Variants in NRM observed in about 807,000 individuals in gnomAD.
The protein encoded by NRM is nuclear rim protein.
A neutral mutation model predicts 23.4 loss-of-function variants in NRM; 19 were observed. That is an observed-to-expected ratio of 0.81 (90% CI 0.57 to 1.19). The LOEUF is 1.19. NRM is among the 50% of genes most tolerant of loss of function. The probability of loss-of-function intolerance (pLI) is 0.00; values close to 1 mark genes in which losing one functional copy is unlikely to be tolerated. For missense variants in NRM, 232 were observed against 329.7 expected (o/e 0.70, Z 2.30); for synonymous variants, 140 against 143.5 (o/e 0.98, Z 0.17).
At position 30,690,725 on chromosome 6, in the gene NRM, G is replaced by A. The variant is rs1401773786; in HGVS notation, c.133+117C>T. The A allele has an allele frequency of 3.7e-6, 6 of 1,611,042 alleles. No individual in the cohort carries two copies. Among genetic ancestry groups the A allele is most frequent in the Admixed American group, 1.7e-5 (1 of 59,932 alleles). ...CCTGTAGCTTCTCGGCCGCTTTCAA[G>A]GTTCGAGTTCCCTCTCTTGGACTTC... On this transcript the variant is annotated intron_variant, in intron 1 of 3. Transcript: ENST00000376421. The surrounding 1 kb of genome is among the most constrained non-coding windows in gnomAD (Gnocchi z 5.5).
At position 30,690,429 on chromosome 6, in the gene NRM, C is replaced by T; in HGVS notation, c.134-186G>A. 8.7e-7 allele frequency: 1 copy of T among 1,145,400 alleles called. No homozygotes were observed. Among genetic ancestry groups the T allele is most frequent in the South Asian group, 1.6e-5 (1 of 62,544 alleles). The allele number at this position is 1,145,400 out of a possible 1,614,324, so 71.0% of individuals were successfully genotyped here. ...AGTTTCTGCCCTCTTCCCTAGGCCT[C>T]CTGCAAACCTGGGGAAGAGGATTTA... is the stretch of plus-strand genomic sequence containing the variant. On this transcript the variant is annotated intron_variant, in intron 1 of 3. Coordinates refer to ENST00000376421, the MANE Select transcript of NRM (RefSeq NM_001384369.1). The surrounding 1 kb of genome is among the most constrained non-coding windows in gnomAD (Gnocchi z 5.5).
chr6:30,690,954 C>T lies in NRM; in HGVS notation c.21G>A (p.Leu7=). MAPALL[L]IPAALASFIL... is the part of the protein sequence containing the mutation. ...TGAAAGAGGCGAGGGCAGCAGGGATCAGGAGCAGTGCAGGGGCCATGGCGA... is the reference window on the plus strand; with the variant it reads ...TGAAAGAGGCGAGGGCAGCAGGGATTAGGAGCAGTGCAGGGGCCATGGCGA... Residue 7 remains leucine, a synonymous_variant, in exon 1 of 4, where the codon CTG becomes CTA. Coordinates refer to ENST00000376421, the MANE Select transcript of NRM (RefSeq NM_001384369.1). This position sits in a 1 kb window ranked among gnomAD's most constrained non-coding sequence, Gnocchi z 5.5. 1 of 1,612,338 alleles carries T rather than the reference C, an allele frequency of 6.2e-7. No homozygotes were observed.
chr6:30,689,485 G>A lies in NRM; in HGVS notation c.331-33C>T, dbSNP rs768136530. The A allele has an allele frequency of 5.4e-5, 82 of 1,529,460 alleles. No individual in the cohort carries two copies. The highest frequency in any genetic ancestry group is 7.1e-5 in the Non-Finnish European group (81 of 1,136,810). The allele number at this position is 1,529,460 out of a possible 1,614,324, so 94.7% of individuals were successfully genotyped here. ...AGGATAAGGGGCTGGGTATCCCAGT[G>A]GCCTAGTCTGCCCGACCTTGGGAGA... On this transcript the variant is annotated intron_variant, in intron 2 of 3. Transcript: ENST00000376421. This position sits in a 1 kb window ranked among gnomAD's most constrained non-coding sequence, Gnocchi z 4.7.
chr6:30,691,028 A>AGGCCCCGCCCGC, upstream of NRM: 7 of 1,539,300 alleles, frequency 4.5e-6, no homozygotes, highest in South Asian at 2.4e-5. Flanking sequence ...CCGCTGCCAC[A>AGGCCCCGCCCGC]GGCCCCGCCC....
Position 30,690,585 on chromosome 6 carries a change from CACTTT to C in NRM, c.133+252_133+256del, listed in dbSNP as rs1238367141. 1.9e-6 allele frequency: 3 copies of C among 1,544,044 alleles called. No individual in the cohort carries two copies. Among genetic ancestry groups the C allele is most frequent in the South Asian group, 1.2e-5 (1 of 83,420 alleles). ...CCTCTCAACAGTCCTCTCTACAAAA[CACTTT>C]ACTTAGAATACTCCGGTCACCGCCC... On this transcript the variant is annotated intron_variant, in intron 1 of 3. Transcript: ENST00000376421. This position sits in a 1 kb window ranked among gnomAD's most constrained non-coding sequence, Gnocchi z 5.5.
chr6:30,690,731 A>T lies in NRM; in HGVS notation c.133+111T>A, dbSNP rs114089471. 0.016 allele frequency: 25,830 copies of T among 1,611,068 alleles called. 376 individuals carry two copies. Among genetic ancestry groups the T allele is most frequent in the Middle Eastern group, 0.06 (366 of 6,052 alleles). The stretch of plus-strand genomic sequence containing the variant: ...GCTTCTCGGCCGCTTTCAAGGTTCG[A>T]GTTCCCTCTCTTGGACTTCCCCTGT... On this transcript the variant is annotated intron_variant, in intron 1 of 3. Coordinates refer to ENST00000376421, the MANE Select transcript of NRM (RefSeq NM_001384369.1). The surrounding 1 kb of genome is among the most constrained non-coding windows in gnomAD (Gnocchi z 5.5).
chr6:30,690,282 A>G lies in NRM; in HGVS notation c.134-39T>C, dbSNP rs755371513. On this transcript the variant is annotated intron_variant, in intron 1 of 3. Transcript: ENST00000376421. This position sits in a 1 kb window ranked among gnomAD's most constrained non-coding sequence, Gnocchi z 5.5. ...AGGGAAAAAGAGACAAAAGATCGAA[A>G]CAGTGGCAGAATGTTTCCCCCACCC... 3.3e-6 allele frequency: 5 copies of G among 1,526,472 alleles called. No homozygotes were observed. The African/African-American group carries it at 7.0e-5, about 21-fold the overall frequency. 94.6% of individuals were successfully genotyped at this position (1,526,472 alleles called of 1,614,324 possible). A position where few individuals can be genotyped will look rare whatever the true frequency, so the allele number is the denominator to read the frequency against.
Position 30,688,389 on chromosome 6 carries a change from G to GA in NRM, c.*271dup. Reference sequence around the variant, plus strand: ...TCCTTCTCAGGAGGCTGTTGAGGGGGAGAGTGTCATGCTCTAAACAGTGAA... The same window carrying GA: ...TCCTTCTCAGGAGGCTGTTGAGGGGGAAGAGTGTCATGCTCTAAACAGTGAA... On this transcript the variant is annotated 3_prime_UTR_variant, in exon 4 of 4. Coordinates refer to ENST00000376421, the MANE Select transcript of NRM (RefSeq NM_001384369.1). The surrounding 1 kb of genome is among the most constrained non-coding windows in gnomAD (Gnocchi z 5.9). 1 of 546,882 alleles carries GA rather than the reference G, an allele frequency of 1.8e-6. No homozygotes were observed. The allele number at this position is 546,882 out of a possible 1,614,324, so 33.9% of individuals were successfully genotyped here.
At position 30,690,813 on chromosome 6, in the gene NRM, C is replaced by G. The variant is rs2127627956; in HGVS notation, c.133+29G>C. The G allele has an allele frequency of 6.2e-7, 1 of 1,613,024 alleles. No homozygotes were observed. The highest frequency in any genetic ancestry group is 8.5e-7 in the Non-Finnish European group (1 of 1,179,982). ...CTCCTACGGCTCCACCTTCCTCCTC[C>G]CAGTTCATCCTCGATCCCTCCCGCT... On this transcript the variant is annotated intron_variant, in intron 1 of 3. Coordinates refer to ENST00000376421, the MANE Select transcript of NRM (RefSeq NM_001384369.1). The surrounding 1 kb of genome is among the most constrained non-coding windows in gnomAD (Gnocchi z 5.5).
At chr6:30,691,039 G>T (rs1771601899), upstream of NRM, 18 of 1,528,194 alleles carry the variant, frequency 1.2e-5, no homozygotes, top group East Asian at 4.9e-5. Flanking sequence ...GGCCCCGCCC[G>T]CGGCCCCGCC....
At position 30,690,229 on chromosome 6, in the gene NRM, A is replaced by T. The variant is rs1438654298; in HGVS notation, c.148T>A (p.Trp50Arg). The T allele has an allele frequency of 5.7e-6, 9 of 1,571,366 alleles. 1 individual carries two copies. The South Asian group carries it at 1.1e-4, about 18-fold the overall frequency. The change falls in exon 2 of 4, where the codon TGG becomes AGG. Residue 50 changes from tryptophan (W) to arginine (R), a missense_variant. Trp to Arg is a moderately radical substitution (Grantham distance 101, BLOSUM62 -3). Transcript: ENST00000376421. The surrounding 1 kb of genome is among the most constrained non-coding windows in gnomAD (Gnocchi z 5.5). ...ESGGPDARQG[W>R]LAALQDRSIL... ...CTGCGGTCCTGCAGGGCAGCCAGCC[A>T]TCCCTGGCGGGCATCTACAGGAAGT...
Position 30,690,621 on chromosome 6 carries a change from G to A in NRM, c.133+221C>T, listed in dbSNP as rs369701966. On this transcript the variant is annotated intron_variant, in intron 1 of 3. Coordinates refer to ENST00000376421, the MANE Select transcript of NRM (RefSeq NM_001384369.1). The surrounding 1 kb of genome is among the most constrained non-coding windows in gnomAD (Gnocchi z 5.5). ...GAATACTCCGGTCACCGCCCTTTTC[G>A]GCTCCCTCAGTCCTCACTCTCCCGC... 29 of 1,555,950 alleles carry A rather than the reference G, an allele frequency of 1.9e-5. No individual in the cohort carries two copies. In the East Asian group the frequency reaches 4.7e-4, roughly 25 times the overall value.
Position 30,690,833 on chromosome 6 carries a change from C to G in NRM, c.133+9G>C. On this transcript the variant is annotated intron_variant, in intron 1 of 3. Transcript: ENST00000376421. The surrounding 1 kb of genome is among the most constrained non-coding windows in gnomAD (Gnocchi z 5.5). ...TCCTCCCAGTTCATCCTCGATCCCT[C>G]CCGCTCACCCGGACCACCAGACTCC... 2 of 1,613,084 alleles carry G rather than the reference C, an allele frequency of 1.2e-6. No homozygotes were observed. The highest frequency in any genetic ancestry group is 1.1e-5 in the South Asian group (1 of 91,084).
chr6:30,690,985 G>T, upstream of NRM: 1 of 1,602,090 alleles, frequency 6.2e-7, no homozygotes, highest in Non-Finnish European at 8.5e-7. The surrounding 1 kb of genome is among the most constrained non-coding windows in gnomAD (Gnocchi z 5.5). Flanking sequence ...GGCGAGAAAT[G>T]GAGGGGTGGG....
In NRM at chr6:30,688,454, G is replaced by T; in HGVS notation, c.*207C>A. 1.6e-6 allele frequency: 1 copy of T among 616,530 alleles called. No individual in the cohort carries two copies. The highest frequency in any genetic ancestry group is 2.8e-6 in the Non-Finnish European group (1 of 352,278). 38.2% of individuals were successfully genotyped at this position (616,530 alleles called of 1,614,324 possible). A position where few individuals can be genotyped will look rare whatever the true frequency, so the allele number is the denominator to read the frequency against. ...CCATACCCCACTCTTCCTTGCTGGT[G>T]AGAAGTGGACCTTGGAGTTCAGTGG... On this transcript the variant is annotated 3_prime_UTR_variant, in exon 4 of 4. Coordinates refer to ENST00000376421, the MANE Select transcript of NRM (RefSeq NM_001384369.1). The surrounding 1 kb of genome is among the most constrained non-coding windows in gnomAD (Gnocchi z 5.9).
rs749721220 is a variant in NRM, at chr6:30,690,178, G to A, written c.199C>T (p.Leu67=). The part of the protein sequence containing the change: ...RSILAPLAWD[L]GLLLLFVGQH... Reference sequence around the variant, plus strand: ...CCAACAAATAGAAGCAGGAGCCCCAGATCCCATGCCAGGGGGGCAAGGATG... The same window carrying A: ...CCAACAAATAGAAGCAGGAGCCCCAAATCCCATGCCAGGGGGGCAAGGATG... The change falls in exon 2 of 4, where the codon CTG becomes TTG. Residue 67 remains leucine, a synonymous_variant. Transcript: ENST00000376421. This position sits in a 1 kb window ranked among gnomAD's most constrained non-coding sequence, Gnocchi z 5.5. The A allele has an allele frequency of 1.6e-5, 25 of 1,612,416 alleles. No individual in the cohort carries two copies. Among genetic ancestry groups the A allele is most frequent in the Non-Finnish European group, 2.1e-5 (25 of 1,179,820 alleles).
chr6:30,688,247 C>G lies in NRM; in HGVS notation c.*414G>C. 2 of 209,726 alleles carry G rather than the reference C, an allele frequency of 9.5e-6. No homozygotes were observed. The highest frequency in any genetic ancestry group is 7.8e-5 in the South Asian group (1 of 12,850). The allele number at this position is 209,726 out of a possible 1,614,324, so 13.0% of individuals were successfully genotyped here. On this transcript the variant is annotated 3_prime_UTR_variant, in exon 4 of 4. Transcript: ENST00000376421. This position sits in a 1 kb window ranked among gnomAD's most constrained non-coding sequence, Gnocchi z 5.9. ...TGGGGCCTGGAGGGACAGCTATGAC[C>G]GTTGAACTTGCAGACCCTGGTCCAC...
chr6:30,690,517 C>G lies in NRM; in HGVS notation c.134-274G>C, dbSNP rs779877365. 53 of 1,529,474 alleles carry G rather than the reference C, an allele frequency of 3.5e-5. No individual in the cohort carries two copies. Among genetic ancestry groups the G allele is most frequent in the Non-Finnish European group, 4.6e-5 (52 of 1,134,488 alleles). The allele number at this position is 1,529,474 out of a possible 1,614,324, so 94.7% of individuals were successfully genotyped here. ...CTGGAGAGGCCACGCTGGATTGCCC[C>G]TCTTACTTCGGTTCTCCAAATGCTC... On this transcript the variant is annotated intron_variant, in intron 1 of 3. Coordinates refer to ENST00000376421, the MANE Select transcript of NRM (RefSeq NM_001384369.1). This position sits in a 1 kb window ranked among gnomAD's most constrained non-coding sequence, Gnocchi z 5.5.
rs1174500514 is a variant in NRM at position 30,689,223 on chromosome 6, CGAG to C, written c.507+50_507+52del. The C allele has an allele frequency of 2.9e-4, 423 of 1,483,112 alleles. No individual in the cohort carries two copies. The highest frequency in any genetic ancestry group is 3.7e-4 in the Non-Finnish European group (402 of 1,097,878). The allele number at this position is 1,483,112 out of a possible 1,614,324, so 91.9% of individuals were successfully genotyped here. A position where few individuals can be genotyped will look rare whatever the true frequency, so the allele number is the denominator to read the frequency against. On this transcript the variant is annotated intron_variant, in intron 3 of 3. Coordinates refer to ENST00000376421, the MANE Select transcript of NRM (RefSeq NM_001384369.1). The surrounding 1 kb of genome is among the most constrained non-coding windows in gnomAD (Gnocchi z 4.7). ...GAGGAGGGAAACCCTTGAAAGGGAA[CGAG>C]GAGTTCTAAAATGGGTCAGAGGTCA...
Sources: allele counts gnomAD v4.1 joint callset, GRCh38; gene constraint gnomAD v4.1.1; non-coding constraint Gnocchi (gnomAD v3.1); transcripts MANE v1.5; gene names NCBI Gene and HGNC (gene_info 2026-07-23, HGNC 2026-07-21).